LINGO2: variants seen among roughly 807,000 people sequenced by gnomAD.
LINGO2 encodes leucine rich repeat and Ig domain containing 2.
In LINGO2, 14 loss-of-function variants were observed where a neutral mutation model predicts 30.6. The observed-to-expected ratio is 0.46, with a 90% CI of 0.30 to 0.72. LINGO2 has a LOEUF of 0.72. LINGO2 is among the 30% of genes least tolerant of loss of function. The pLI, the probability that LINGO2 is intolerant of heterozygous loss-of-function variation, is 0.07. For synonymous variants in LINGO2, 317 were observed against 288.5 expected, an observed-to-expected ratio of 1.10 and a Z score of -1.00; for missense variants, 729 against 751.7, an observed-to-expected ratio of 0.97 and a Z score of 0.35.
At chr9:28,515,365 C>G (rs1038721949) in intron 1 of LINGO2, among the ~76,000 whole-genome samples, 2 of 152,092 alleles carry the variant, frequency 1.3e-5, no homozygotes, top group African/African-American at 2.4e-5. Flanking sequence ...CACCACCACG[C>G]CTGGCTAATT....
chr9:28,813,941 T>C, the LINGO2 span, among the ~76,000 whole-genome samples: 3 of 152,096 alleles, frequency 2.0e-5, no homozygotes, highest in African/African-American at 7.2e-5. Flanking sequence ...AAAGTTACCA[T>C]GGGCAGCCTG....
chr9:28,472,740 T>C (rs1289923404), intron 2 of LINGO2, among the ~76,000 whole-genome samples: 3 of 152,136 alleles, frequency 2.0e-5, no homozygotes, highest in Non-Finnish European at 4.4e-5. Flanking sequence ...TCATATGTTT[T>C]CTCTCATTAT....
the LINGO2 span, among the ~76,000 whole-genome samples, chr9:29,131,587 G>A: frequency 3.0e-4 from 45 of 152,000 alleles, no homozygotes; most frequent in African/African-American, 7.2e-4. Flanking sequence ...CATCCACACC[G>A]AAAACCATTT....
chr9:28,136,429 T>A (rs1455204602), intron 4 of LINGO2, among the ~76,000 whole-genome samples: 1 of 152,238 alleles, frequency 6.6e-6, no homozygotes, highest in Admixed American at 6.5e-5. Context: ...GTATCACTGA[T>A]GAAGCTTGAC....
At chr9:28,580,603 T>C (rs1441837566) in intron 1 of LINGO2, among the ~76,000 whole-genome samples, 1 of 152,012 alleles carries the variant, frequency 6.6e-6, no homozygotes, top group African/African-American at 2.4e-5. Flanking sequence ...ACATTAACTG[T>C]AGAAATGGAA....
At chr9:28,610,730 T>C (rs1563862509) in intron 1 of LINGO2, among the ~76,000 whole-genome samples, 1 of 152,128 alleles carries the variant, frequency 6.6e-6, no homozygotes, top group Admixed American at 6.6e-5. Context: ...TCAGATATTT[T>C]GGTAAAACAG....
At position 28,487,495 on chromosome 9, in the gene LINGO2, T is replaced by C. The variant is rs372502118; in HGVS notation, c.-364-11470A>G. The stretch of plus-strand genomic sequence containing the variant: ...TAAAGGAAATTTATCTGAAAACCTT[T>C]GAAAGCCACATTTATGAGAGCCAAT... On this transcript the variant is annotated intron_variant, in intron 1 of 5. Coordinates refer to ENST00000379992, the Ensembl canonical transcript of LINGO2. 3.3e-5 allele frequency among the ~76,000 whole-genome samples: 5 copies of C among 152,132 alleles called. No homozygotes were observed. In the East Asian group the frequency reaches 9.6e-4, roughly 29 times the overall value.
rs1587349519 is a variant in LINGO2, at chr9:28,262,837, T to G, written c.-87+32371A>C. 5.9e-5 allele frequency among the ~76,000 whole-genome samples: 9 copies of G among 152,118 alleles called. No homozygotes were observed. The South Asian group carries it at 1.9e-3, about 32-fold the overall frequency. ...AATTGAAGGCCATGAACTTCAATTT[T>G]CAGTAAGAGACATCTCCTGGGAGTA... On this transcript the variant is annotated intron_variant, in intron 4 of 5. Transcript: ENST00000379992.
chr9:29,028,494 C>T, the LINGO2 span, among the ~76,000 whole-genome samples: 1 of 151,244 alleles, frequency 6.6e-6, no homozygotes, highest in Non-Finnish European at 1.5e-5. Flanking sequence ...ACAAATATAT[C>T]TCTAGTTCTT....
intron 1 of LINGO2, among the ~76,000 whole-genome samples, chr9:28,554,518 A>G (rs1187676263): frequency 6.8e-6 from 1 of 147,794 alleles, no homozygotes; most frequent in Admixed American, 6.8e-5. Flanking sequence ...AGTGACCTAC[A>G]AAGAGACTTA....
chr9:28,092,342 T>C (rs1458649817), intron 4 of LINGO2, among the ~76,000 whole-genome samples: 9 of 151,364 alleles, frequency 5.9e-5, no homozygotes, highest in African/African-American at 2.0e-4. Flanking sequence ...GTGGCACATA[T>C]ACACCATGGA....
At chr9:28,769,504 ATATATATATATATATTTTTTTTTTTTT>A in the LINGO2 span, among the ~76,000 whole-genome samples, 56 of 3,362 alleles carry the variant, frequency 0.017, 6 homozygotes, top group East Asian at 0.032. Flanking sequence ...ATATATATAT[ATATATATATATATATTTTTTTTTTTTT>A]TTTTTTTTTT....
the LINGO2 span, among the ~76,000 whole-genome samples, chr9:29,025,059 A>G: frequency 6.6e-6 from 1 of 152,164 alleles, no homozygotes; most frequent in Non-Finnish European, 1.5e-5. Context: ...GCCCATTCAC[A>G]GTATCTGCAC....
At chr9:29,012,706 T>A in the LINGO2 span, among the ~76,000 whole-genome samples, 1 of 152,278 alleles carries the variant, frequency 6.6e-6, no homozygotes, top group East Asian at 1.9e-4. Context: ...CTTCATGAAA[T>A]TTTTTGGGGC....
At chr9:28,604,189 AAGTCCTAC>A (rs911573880) in intron 1 of LINGO2, among the ~76,000 whole-genome samples, 27 of 152,140 alleles carry the variant, frequency 1.8e-4, no homozygotes, top group African/African-American at 5.8e-4. Context: ...AGTTTGTGCA[AAGTCCTAC>A]AGTTCAAAAT....
intron 4 of LINGO2, among the ~76,000 whole-genome samples, chr9:28,052,092 A>C (rs770847941): frequency 6.6e-6 from 1 of 152,050 alleles, no homozygotes; most frequent in Non-Finnish European, 1.5e-5. Context: ...AGCAGAGGGT[A>C]AACTGGGCCC....
rs549590885 is a variant in LINGO2 at position 28,661,147 on chromosome 9, T to A, written c.-365+9053A>T. ...CTTTGACCAATAAGATGCAGAAAAA[T>A]ATATATATATATATGCTGGGTCAGT... On this transcript the variant is annotated intron_variant, in intron 1 of 5. Coordinates refer to ENST00000379992, the Ensembl canonical transcript of LINGO2. Among the ~76,000 whole-genome samples the A allele has an allele frequency of 7.0e-4, 106 of 150,958 alleles. 1 individual carries two copies. The highest frequency in any genetic ancestry group is 2.1e-3 in the South Asian group (10 of 4,784).
the LINGO2 span, among the ~76,000 whole-genome samples, chr9:29,056,298 G>A: frequency 6.6e-6 from 1 of 152,234 alleles, no homozygotes; most frequent in South Asian, 2.1e-4. Context: ...CGTCCTTGAA[G>A]GAGTAAGGTG....
intron 5 of LINGO2, among the ~76,000 whole-genome samples, chr9:28,004,290 T>C (rs1360030721): frequency 1.3e-5 from 2 of 152,098 alleles, no homozygotes; most frequent in Admixed American, 1.3e-4. Flanking sequence ...TTATATTATT[T>C]AAATTTAATG....
Sources: gnomAD v4.1 joint callset for allele counts (sites outside exome capture counted in the v4.1 genomes callset) on GRCh38, gnomAD v4.1.1 for gene constraint, MANE v1.5 for transcripts, NCBI Gene and HGNC (gene_info 2026-07-23, HGNC 2026-07-21) for gene names.